GRM3: variants seen among roughly 807,000 people sequenced by gnomAD.
GRM3 encodes the protein metabotropic glutamate receptor 3.
GRM3 carries 26 observed loss-of-function variants against 70.5 expected under a neutral mutation model. The observed-to-expected ratio is 0.37, with a 90% CI of 0.27 to 0.51. The LOEUF (loss-of-function observed/expected upper bound fraction) is 0.51, where lower values mean the gene tolerates loss of function less well. Among genes scored for constraint, GRM3 ranks in the 20% least tolerant of loss-of-function variants. The pLI is 0.93. For synonymous variants in GRM3, 443 were observed against 434.9 expected (o/e 1.02, Z -0.23); for missense variants, 859 against 1,123.8 (o/e 0.76, Z 3.37).
chr7:86,714,343 T>G (rs1795268329), intron 1 of GRM3, among the ~76,000 whole-genome samples: 1 of 151,978 alleles, frequency 6.6e-6, no homozygotes, highest in South Asian at 2.1e-4. Context: ...AGTCACTACT[T>G]TAACAACAAG....
chr7:86,811,904 A>C (rs6975875), intron 3 of GRM3, among the ~76,000 whole-genome samples: 40,279 of 151,270 alleles, frequency 0.27, 5,562 homozygotes, highest in Middle Eastern at 0.35. Context: ...ATTTCTATCC[A>C]TGTAATAGAA....
At chr7:86,787,212 C>A (rs199670997) in intron 3 of GRM3, 96 bp downstream of exon 3, 3 of 1,061,174 alleles carry the variant, frequency 2.8e-6, no homozygotes, top group Non-Finnish European at 4.1e-6. Context: ...ATAATTATTT[C>A]AAAGCCATAA....
intron 5 of GRM3, among the ~76,000 whole-genome samples, chr7:86,861,830 T>TA (rs1798965606): frequency 6.6e-6 from 1 of 152,202 alleles, no homozygotes; most frequent in Admixed American, 6.5e-5. Flanking sequence ...ACTTGTATTT[T>TA]AAAATACTCT....
intron 1 of GRM3, among the ~76,000 whole-genome samples, chr7:86,654,095 A>G (rs1408541821): frequency 5.3e-5 from 8 of 152,180 alleles, no homozygotes; most frequent in Admixed American, 5.2e-4. Context: ...AAAGCCGGCA[A>G]TCCTCACAAA....
At chr7:86,654,178 T>G (rs1206255218) in intron 1 of GRM3, among the ~76,000 whole-genome samples, 2 of 152,182 alleles carry the variant, frequency 1.3e-5, no homozygotes, top group African/African-American at 4.8e-5. Flanking sequence ...AGTGAGGGAC[T>G]GGCAGCAGGG....
chr7:86,861,054 A>AGAT (rs1411134010), intron 5 of GRM3, among the ~76,000 whole-genome samples: 2 of 152,172 alleles, frequency 1.3e-5, no homozygotes, highest in African/African-American at 4.8e-5. Flanking sequence ...ATCCTGGAAA[A>AGAT]GATAAAGAGA....
At chr7:86,657,610 A>T (rs1793779680) in intron 1 of GRM3, among the ~76,000 whole-genome samples, 1 of 152,216 alleles carries the variant, frequency 6.6e-6, no homozygotes, top group Non-Finnish European at 1.5e-5. Flanking sequence ...TTTCTCCTGT[A>T]GGCAGAGGAA....
intron 1 of GRM3, among the ~76,000 whole-genome samples, chr7:86,723,774 CT>C (rs1795529030): frequency 6.6e-6 from 1 of 152,084 alleles, no homozygotes; most frequent in Admixed American, 6.6e-5. Context: ...TTCTCTGCCC[CT>C]AGTTGCAGTC....
Position 86,801,873 on chromosome 7 carries a change from G to A in GRM3, c.1324+14757G>A, listed in dbSNP as rs558991347. On this transcript the variant is annotated intron_variant, in intron 3 of 5. Coordinates refer to ENST00000361669, the MANE Select transcript of GRM3 (RefSeq NM_000840.3). Reference sequence around the variant, plus strand: ...TTAAAAATTAAATTGGAACCGTAAAGTGTTGTTTTGATTTTATAGATTAAA... The same window carrying A: ...TTAAAAATTAAATTGGAACCGTAAAATGTTGTTTTGATTTTATAGATTAAA... 1.8e-4 allele frequency among the ~76,000 whole-genome samples: 27 copies of A among 152,262 alleles called. No individual in the cohort carries two copies. The South Asian group carries it at 3.3e-3, about 19-fold the overall frequency.
chr7:86,752,539 G>A (rs74678688), intron 1 of GRM3, among the ~76,000 whole-genome samples: 1 of 152,048 alleles, frequency 6.6e-6, no homozygotes, highest in Non-Finnish European at 1.5e-5. Context: ...TCTGTGTTGG[G>A]AGATTCCTAC....
intron 3 of GRM3, among the ~76,000 whole-genome samples, chr7:86,822,389 C>T (rs1234734385): frequency 1.3e-5 from 2 of 151,466 alleles, no homozygotes; most frequent in African/African-American, 2.4e-5. Flanking sequence ...AAATGGAATG[C>T]GGGATCATGG....
chr7:86,826,730 G>A (rs530762074), intron 3 of GRM3, among the ~76,000 whole-genome samples: 1 of 152,216 alleles, frequency 6.6e-6, no homozygotes, highest in African/African-American at 2.4e-5. Flanking sequence ...CTAGACCAAG[G>A]TTTCTCAACT....
At position 86,839,449 on chromosome 7, in the gene GRM3, A is replaced by G; in HGVS notation, c.1935A>G (p.Arg645=). 6.2e-7 allele frequency: 1 copy of G among 1,613,348 alleles called. No homozygotes were observed. Among genetic ancestry groups the G allele is most frequent in the East Asian group, 2.2e-5 (1 of 44,860 alleles). The change falls in exon 4 of 6, where the codon CGA becomes CGG. Residue 645 remains arginine (R), a synonymous_variant. Transcript: ENST00000361669. The surrounding 1 kb of genome is among the most constrained non-coding windows in gnomAD (Gnocchi z 4.5). ...CACCAGTCATCTGTGCATTGCGCCG[A>G]CTCGGGCTGGGGAGTTCCTTCGCTA... ...KPSPVICALR[R]LGLGSSFAIC... is the part of the protein sequence containing the mutation.
At chr7:86,790,410 A>C (rs1797377058) in intron 3 of GRM3, among the ~76,000 whole-genome samples, 1 of 152,122 alleles carries the variant, frequency 6.6e-6, no homozygotes, top group Non-Finnish European at 1.5e-5. Flanking sequence ...CACCATCTCT[A>C]GCCTACATTT....
intron 3 of GRM3, among the ~76,000 whole-genome samples, chr7:86,817,132 G>A (rs952527524): frequency 6.6e-6 from 1 of 151,790 alleles, no homozygotes; most frequent in Non-Finnish European, 1.5e-5. Flanking sequence ...AGCTTGTCAA[G>A]GTGTAGATCA....
intron 3 of GRM3, among the ~76,000 whole-genome samples, chr7:86,833,394 GATA>G (rs113026975): frequency 0.017 from 2,549 of 149,818 alleles, 61 homozygotes; most frequent in African/African-American, 0.059. Flanking sequence ...CTTAAAGTAT[GATA>G]ATAATAATAA....
intron 1 of GRM3, among the ~76,000 whole-genome samples, chr7:86,738,663 A>T (rs1795917793): frequency 6.6e-6 from 1 of 152,190 alleles, no homozygotes; most frequent in African/African-American, 2.4e-5. Flanking sequence ...TTCTCCTGAT[A>T]CAGTAGATAC....
At chr7:86,673,186 C>G (rs1235081961) in intron 1 of GRM3, among the ~76,000 whole-genome samples, 1 of 152,112 alleles carries the variant, frequency 6.6e-6, no homozygotes, top group Non-Finnish European at 1.5e-5. Flanking sequence ...TATCCATTCC[C>G]TAATTGTCCT....
chr7:86,736,235 A>G (rs767577475), intron 1 of GRM3, among the ~76,000 whole-genome samples: 2 of 152,192 alleles, frequency 1.3e-5, no homozygotes, highest in Admixed American at 6.5e-5. Context: ...GAAGGCAGGT[A>G]GGCAAACGAG....
Sources: allele counts gnomAD v4.1 joint callset (sites outside exome capture counted in the v4.1 genomes callset), GRCh38; gene constraint gnomAD v4.1.1; non-coding constraint Gnocchi (gnomAD v3.1); transcripts MANE v1.5; gene names NCBI Gene and HGNC (gene_info 2026-07-23, HGNC 2026-07-21).